GIPC3: variants seen among roughly 807,000 people sequenced by gnomAD.
GIPC3 encodes the protein PDZ domain-containing protein GIPC3.
Under a neutral mutation model 27.3 loss-of-function variants are expected in GIPC3, and 16 were observed. The observed-to-expected ratio is 0.59, with a 90% CI of 0.40 to 0.89. GIPC3 has a LOEUF of 0.89. Ranked by LOEUF, GIPC3 falls within the 40% of genes least tolerant of loss-of-function variation. The probability of loss-of-function intolerance (pLI) is 0.00; values close to 1 mark genes in which losing one functional copy is unlikely to be tolerated. For missense variants in GIPC3, 440 were observed against 442.1 expected, an observed-to-expected ratio of 1.00 and a Z score of 0.04; for synonymous variants, 194 against 184.6, an observed-to-expected ratio of 1.05 and a Z score of -0.41.
rs1021778327 is a variant in GIPC3, at chr19:3,585,905, C to G, written c.225+83C>G. The G allele has an allele frequency of 1.0e-5, 15 of 1,478,890 alleles. No individual in the cohort carries two copies. In the African/African-American group the frequency reaches 2.2e-4, roughly 21 times the overall value. 91.6% of individuals were successfully genotyped at this position (1,478,890 alleles called of 1,614,324 possible). A position where few individuals can be genotyped will look rare whatever the true frequency, so the allele number is the denominator to read the frequency against. On this transcript the variant is annotated intron_variant, in intron 1 of 5. Transcript: ENST00000644452. ...GAGCTTGGACCCTGGACGGGAGACC[C>G]CAGATCCCCGGATCCCAGACGTCGG...
intron 3 of GIPC3, among the ~76,000 whole-genome samples, chr19:3,587,302 G>A (rs2032390888): frequency 6.6e-6 from 1 of 151,670 alleles, no homozygotes; most frequent in Admixed American, 6.6e-5. Flanking sequence ...TTGTTTTTGA[G>A]ACGGAGTCTC....
In GIPC3 at chr19:3,591,550, C is replaced by G; in HGVS notation, c.*1360C>G. ...GTGAGATTCATGAAGCAGCCCAGCT[C>G]TGGAACCCCAGTCAGCTCAGGATTC... On this transcript the variant is annotated 3_prime_UTR_variant, in exon 6 of 6. Coordinates refer to ENST00000644452, the MANE Select transcript of GIPC3 (RefSeq NM_133261.3). The G allele has an allele frequency of 1.6e-6, 2 of 1,232,986 alleles. No individual in the cohort carries two copies. The highest frequency in any genetic ancestry group is 3.1e-4 in the Middle Eastern group (1 of 3,212). The allele number at this position is 1,232,986 out of a possible 1,614,324, so 76.4% of individuals were successfully genotyped here. A position where few individuals can be genotyped will look rare whatever the true frequency, so the allele number is the denominator to read the frequency against.
chr19:3,588,859 G>T (rs907228087), intron 3 of GIPC3, among the ~76,000 whole-genome samples: 2 of 151,668 alleles, frequency 1.3e-5, no homozygotes, highest in South Asian at 2.1e-4. Context: ...CAGGAGAATC[G>T]CTTGAACCTG....
chr19:3,591,738 G>A lies in GIPC3; in HGVS notation c.*1548G>A, dbSNP rs954400822. On this transcript the variant is annotated 3_prime_UTR_variant, in exon 6 of 6. Transcript: ENST00000644452. ...CAGTGATGATTCCAGCTCTGAGACT[G>A]AGCCCAGCTCTAGAACCTCGCCTAG... The A allele has an allele frequency of 8.1e-6, 10 of 1,232,622 alleles. No individual in the cohort carries two copies. Among genetic ancestry groups the A allele is most frequent in the Non-Finnish European group, 1.0e-5 (10 of 988,818 alleles). The allele number at this position is 1,232,622 out of a possible 1,614,324, so 76.4% of individuals were successfully genotyped here. A position where few individuals can be genotyped will look rare whatever the true frequency, so the allele number is the denominator to read the frequency against.
chr19:3,590,440 C>T lies in GIPC3; in HGVS notation c.*250C>T. ...ATTGAGAATAAGCTCTGTTCTAAAA[C>T]TCAGGCCAGCCCTGAGACCAAGCCC... On this transcript the variant is annotated 3_prime_UTR_variant, in exon 6 of 6. Transcript: ENST00000644452. 1 of 1,428,602 alleles carries T rather than the reference C, an allele frequency of 7.0e-7. No individual in the cohort carries two copies. Among genetic ancestry groups the T allele is most frequent in the Non-Finnish European group, 9.1e-7 (1 of 1,096,280 alleles). 88.5% of individuals were successfully genotyped at this position (1,428,602 alleles called of 1,614,324 possible). A position where few individuals can be genotyped will look rare whatever the true frequency, so the allele number is the denominator to read the frequency against.
At chr19:3,589,627 G>A (rs2032443035) in intron 4 of GIPC3, 72 bp downstream of exon 4, 8 of 1,338,922 alleles carry the variant, frequency 6.0e-6, no homozygotes, top group Non-Finnish European at 8.6e-6. Flanking sequence ...TGCGGTCTTG[G>A]GTAAGAACTT....
Position 3,591,170 on chromosome 19 carries a change from C to A in GIPC3, c.*980C>A. ...AGATAAGCTCTGAAACCAATCCCAG[C>A]ATTGAGACCAAGCCCTGTTCTAGAA... On this transcript the variant is annotated 3_prime_UTR_variant, in exon 6 of 6. Transcript: ENST00000644452. The A allele has an allele frequency of 8.1e-7, 1 of 1,233,170 alleles. No homozygotes were observed. Among genetic ancestry groups the A allele is most frequent in the Non-Finnish European group, 1.0e-6 (1 of 988,788 alleles). 76.4% of individuals were successfully genotyped at this position (1,233,170 alleles called of 1,614,324 possible).
At position 3,590,450 on chromosome 19, in the gene GIPC3, C is replaced by T; in HGVS notation, c.*260C>T. The T allele has an allele frequency of 7.0e-7, 1 of 1,425,116 alleles. No individual in the cohort carries two copies. Among genetic ancestry groups the T allele is most frequent in the Non-Finnish European group, 9.1e-7 (1 of 1,094,720 alleles). 88.3% of individuals were successfully genotyped at this position (1,425,116 alleles called of 1,614,324 possible). ...AGCTCTGTTCTAAAACTCAGGCCAG[C>T]CCTGAGACCAAGCCCAGCTCTAGAA... On this transcript the variant is annotated 3_prime_UTR_variant, in exon 6 of 6. Coordinates refer to ENST00000644452, the MANE Select transcript of GIPC3 (RefSeq NM_133261.3).
At chr19:3,589,989 T>C (rs781415653) in intron 5 of GIPC3, 50 bp from the exon 6 acceptor site, 7 of 1,612,996 alleles carry the variant, frequency 4.3e-6, no homozygotes, top group Non-Finnish European at 5.9e-6. Flanking sequence ...CAGCGGGAAG[T>C]TGGGCGCGGG....
chr19:3,585,940 CT>C (rs1314635147), intron 1 of GIPC3, 118 bp downstream of exon 1: 1 of 1,450,370 alleles, frequency 6.9e-7, no homozygotes, highest in Non-Finnish European at 9.2e-7. Flanking sequence ...GGGTGGCCGC[CT>C]AATCGCCGGA....
rs2145276678 is a variant in GIPC3, at chr19:3,591,017, C to A, written c.*827C>A. On this transcript the variant is annotated 3_prime_UTR_variant, in exon 6 of 6. Transcript: ENST00000644452. Reference sequence around the variant, plus strand: ...CCGAGACCAAGCCCAGCTCTAGAACCCAGATAAGCTCTGAAACCAAGCCCA... The same window carrying A: ...CCGAGACCAAGCCCAGCTCTAGAACACAGATAAGCTCTGAAACCAAGCCCA... 2 of 1,233,560 alleles carry A rather than the reference C, an allele frequency of 1.6e-6. No homozygotes were observed. The highest frequency in any genetic ancestry group is 6.3e-5 in the East Asian group (2 of 31,728). 76.4% of individuals were successfully genotyped at this position (1,233,560 alleles called of 1,614,324 possible).
chr19:3,590,295 A>G lies in GIPC3; in HGVS notation c.*105A>G, dbSNP rs2032463609. On this transcript the variant is annotated 3_prime_UTR_variant, in exon 6 of 6. Coordinates refer to ENST00000644452, the MANE Select transcript of GIPC3 (RefSeq NM_133261.3). Reference sequence around the variant, plus strand: ...ATCGGAGGACAAGTTCCTCTCTAGAACCCAATCCAATTTGGAGCCCCAGCC... The same window carrying G: ...ATCGGAGGACAAGTTCCTCTCTAGAGCCCAATCCAATTTGGAGCCCCAGCC... 1.4e-6 allele frequency: 2 copies of G among 1,477,520 alleles called. No individual in the cohort carries two copies. The highest frequency in any genetic ancestry group is 1.4e-5 in the African/African-American group (1 of 71,040). 91.5% of individuals were successfully genotyped at this position (1,477,520 alleles called of 1,614,324 possible).
In GIPC3 at chr19:3,585,683, C is replaced by G; in HGVS notation, c.86C>G (p.Ala29Gly). Residue 29 changes from alanine to glycine, a missense_variant, in exon 1 of 6, where the codon GCC (alanine) becomes GGC (glycine). By Grantham distance (60) the Ala-to-Gly change is moderately conservative (BLOSUM62 0). Transcript: ENST00000644452. ...CCGCCCGCGCCCTCGGAGCCCCCGG[C>G]CGCGCCCCGCGCCCGCCCGCGCCTC... is the stretch of plus-strand genomic sequence containing the variant. Reference protein sequence around the residue: ...APPPAPSEPPAAPRARPRLVF... With the variant: ...APPPAPSEPPGAPRARPRLVF... 1 of 1,386,336 alleles carries G rather than the reference C, an allele frequency of 7.2e-7. No individual in the cohort carries two copies. The highest frequency in any genetic ancestry group is 9.4e-7 in the Non-Finnish European group (1 of 1,060,244). 85.9% of individuals were successfully genotyped at this position (1,386,336 alleles called of 1,614,324 possible).
chr19:3,591,176 G>A lies in GIPC3; in HGVS notation c.*986G>A. 1 of 1,232,956 alleles carries A rather than the reference G, an allele frequency of 8.1e-7. No homozygotes were observed. Among genetic ancestry groups the A allele is most frequent in the Non-Finnish European group, 1.0e-6 (1 of 988,752 alleles). 76.4% of individuals were successfully genotyped at this position (1,232,956 alleles called of 1,614,324 possible). A position where few individuals can be genotyped will look rare whatever the true frequency, so the allele number is the denominator to read the frequency against. On this transcript the variant is annotated 3_prime_UTR_variant, in exon 6 of 6. Transcript: ENST00000644452. ...GCTCTGAAACCAATCCCAGCATTGAGACCAAGCCCTGTTCTAGAACTCAGG... is the reference window on the plus strand; with the variant it reads ...GCTCTGAAACCAATCCCAGCATTGAAACCAAGCCCTGTTCTAGAACTCAGG...
At chr19:3,587,094 T>A in intron 3 of GIPC3, 100 bp downstream of exon 3, 3 of 1,093,204 alleles carry the variant, frequency 2.7e-6, no homozygotes, top group Non-Finnish European at 4.0e-6. Context: ...AGGTTCTAGG[T>A]GCACCCGCTG....
intron 3 of GIPC3, among the ~76,000 whole-genome samples, chr19:3,588,656 A>AAAAAAAAAAAAAAAAC (rs1555704535): frequency 6.6e-6 from 1 of 150,934 alleles, no homozygotes; most frequent in Admixed American, 6.6e-5. Flanking sequence ...AAAAAAAAAA[A>AAAAAAAAAAAAAAAAC]AAACCTGGCT....
intron 1 of GIPC3, 116 bp downstream of exon 1, chr19:3,585,938 G>A (rs1244968440): frequency 3.5e-6 from 5 of 1,443,870 alleles, no homozygotes; most frequent in South Asian, 1.3e-5. Context: ...CGGGGTGGCC[G>A]CCTAATCGCC....
At position 3,593,274 on chromosome 19, in the gene GIPC3, C is replaced by T. The variant is rs1291122367; in HGVS notation, c.*3084C>T. The T allele has an allele frequency of 2.6e-5, 32 of 1,232,302 alleles. No individual in the cohort carries two copies. The highest frequency in any genetic ancestry group is 6.3e-5 in the East Asian group (2 of 31,726). 76.3% of individuals were successfully genotyped at this position (1,232,302 alleles called of 1,614,324 possible). A position where few individuals can be genotyped will look rare whatever the true frequency, so the allele number is the denominator to read the frequency against. ...GGGGGAGCCAGGAGCCCGCCCTTAC[C>T]GCGGGGGGCCGTAGCTTGGCTGTGA... On this transcript the variant is annotated 3_prime_UTR_variant, in exon 6 of 6. Transcript: ENST00000644452.
At chr19:3,589,756 G>A in intron 4 of GIPC3, 75 bp from the exon 5 acceptor site, 3 of 1,418,550 alleles carry the variant, frequency 2.1e-6, no homozygotes, top group Non-Finnish European at 3.0e-6. Context: ...TCCCTTAGGG[G>A]TGGGGGTCGG....
Sources: allele counts gnomAD v4.1 joint callset (sites outside exome capture counted in the v4.1 genomes callset), GRCh38; gene constraint gnomAD v4.1.1; transcripts MANE v1.5; gene names NCBI Gene and HGNC (gene_info 2026-07-23, HGNC 2026-07-21).